The following IWS1 variants were observed in gnomAD, a reference collection of about 807,000 sequenced individuals.
The protein encoded by IWS1 is interacts with SUPT6H, CTD assembly factor 1, also known as protein IWS1 homolog.
In IWS1, 27 loss-of-function variants were observed where a neutral mutation model predicts 86.7. The ratio of observed to expected loss-of-function variants is 0.31; its 90% confidence interval spans 0.23 to 0.43. IWS1 has a LOEUF of 0.43. IWS1 is among the 20% of genes least tolerant of loss of function. IWS1 has a pLI of 1.00. For missense variants in IWS1, 827 were observed against 1,000.8 expected (o/e 0.83, Z 2.34); for synonymous variants, 313 against 335.1 (o/e 0.93, Z 0.72).
At chr2:127,484,951 C>CGCA (rs762138278) in intron 13 of IWS1, among the ~76,000 whole-genome samples, 86 of 151,912 alleles carry the variant, frequency 5.7e-4, no homozygotes, top group Non-Finnish European at 1.0e-3. Flanking sequence ...GAGTGGAGAT[C>CGCA]GCACCACTGC....
intron 2 of IWS1, among the ~76,000 whole-genome samples, chr2:127,511,888 C>T (rs1267317151): frequency 6.6e-6 from 1 of 152,236 alleles, no homozygotes; most frequent in Non-Finnish European, 1.5e-5. Flanking sequence ...TTTTGATGTA[C>T]TCCCCCATAA....
At position 127,504,782 on chromosome 2, in the gene IWS1, T is replaced by C. The variant is rs767217414; in HGVS notation, c.1121A>G (p.Lys374Arg). 1.2e-6 allele frequency: 2 copies of C among 1,614,218 alleles called. No homozygotes were observed. The highest frequency in any genetic ancestry group is 2.2e-5 in the South Asian group (2 of 91,088). ...TTTTTCATCTTCATCACTGTCCATTTTTTGCTTTTTGTGTTCTTCCTCCTC... is the reference window on the plus strand; with the variant it reads ...TTTTTCATCTTCATCACTGTCCATTCTTTGCTTTTTGTGTTCTTCCTCCTC... ...DSEEEEHKKQ[K>R]MDSDEDEKEG... Residue 374 changes from lysine to arginine, a missense_variant, in exon 3 of 14, where the codon AAA becomes AGA. Physicochemically the swap from Lys to Arg is conservative, Grantham distance 26 (BLOSUM62 2). Around this residue, in one of 2 missense-constraint regions of IWS1, gnomAD observed 548 missense variants for 560.2 expected, o/e 0.98. Coordinates refer to ENST00000295321, the MANE Select transcript of IWS1 (RefSeq NM_017969.3).
chr2:127,518,390 C>A (rs1375759311), intron 2 of IWS1, among the ~76,000 whole-genome samples: 1 of 152,050 alleles, frequency 6.6e-6, no homozygotes, highest in South Asian at 2.1e-4. Flanking sequence ...CTGGCGCATG[C>A]CTGTGGTCTC....
At chr2:127,520,623 G>A (rs974827155) in intron 2 of IWS1, among the ~76,000 whole-genome samples, 2 of 152,194 alleles carry the variant, frequency 1.3e-5, no homozygotes, top group African/African-American at 4.8e-5. Context: ...CAGTACAACT[G>A]GCACTCTTGA....
intron 7 of IWS1, among the ~76,000 whole-genome samples, chr2:127,495,308 TATG>T (rs1261875764): frequency 6.6e-6 from 1 of 152,244 alleles, no homozygotes; most frequent in Non-Finnish European, 1.5e-5. Context: ...TGTGAGGTTA[TATG>T]ATATTGGAAT....
intron 2 of IWS1, among the ~76,000 whole-genome samples, chr2:127,509,995 C>T (rs1691358155): frequency 1.3e-5 from 2 of 152,132 alleles, no homozygotes; most frequent in African/African-American, 4.8e-5. Flanking sequence ...CGTGTATAGA[C>T]CCAAATAACT....
chr2:127,489,152 G>A lies in IWS1; in HGVS notation c.2216+27C>T. 6.4e-7 allele frequency: 1 copy of A among 1,550,606 alleles called. No homozygotes were observed. The highest frequency in any genetic ancestry group is 8.9e-7 in the Non-Finnish European group (1 of 1,125,576). On this transcript the variant is annotated intron_variant, in intron 12 of 13. Coordinates refer to ENST00000295321, the MANE Select transcript of IWS1 (RefSeq NM_017969.3). The surrounding 1 kb of genome is among the most constrained non-coding windows in gnomAD (Gnocchi z 4.8). ...AACGGAAATTCTCTATATAGTCTAG[G>A]AAGAAAAATTAACATTAAAACCTTA...
At position 127,519,712 on chromosome 2, in the gene IWS1, G is replaced by A. The variant is rs1003266708; in HGVS notation, c.150+3964C>T. 2.6e-5 allele frequency among the ~76,000 whole-genome samples: 4 copies of A among 152,196 alleles called. No individual in the cohort carries two copies. In the South Asian group the frequency reaches 6.2e-4, roughly 24 times the overall value. On this transcript the variant is annotated intron_variant, in intron 2 of 13. Transcript: ENST00000295321. ...TATGTCACTTTACATGCAAGGGACT[G>A]TGCAAATGTAATTAAGGTAAGGACC... is the stretch of plus-strand genomic sequence containing the variant.
chr2:127,505,790 A>G lies in IWS1; in HGVS notation c.151-38T>C. On this transcript the variant is annotated intron_variant, in intron 2 of 13. Coordinates refer to ENST00000295321, the MANE Select transcript of IWS1 (RefSeq NM_017969.3). This position sits in a 1 kb window ranked among gnomAD's most constrained non-coding sequence, Gnocchi z 5.0. ...GTGAGAAAAAATTAGGAAAGTGCAA[A>G]AAAAAAAAAACCATTAATAATAAAA... The G allele has an allele frequency of 7.9e-7, 1 of 1,268,270 alleles. No individual in the cohort carries two copies. The highest frequency in any genetic ancestry group is 1.1e-6 in the Non-Finnish European group (1 of 925,892). The allele number at this position is 1,268,270 out of a possible 1,614,324, so 78.6% of individuals were successfully genotyped here. A position where few individuals can be genotyped will look rare whatever the true frequency, so the allele number is the denominator to read the frequency against.
chr2:127,494,239 T>C (rs1690390347), intron 8 of IWS1, among the ~76,000 whole-genome samples: 2 of 96,460 alleles, frequency 2.1e-5, no homozygotes, highest in South Asian at 8.9e-4. Flanking sequence ...AGATCCTGTC[T>C]CTAATTAAAA....
Position 127,517,325 on chromosome 2 carries a change from T to C in IWS1, c.150+6351A>G, listed in dbSNP as rs113342879. Among the ~76,000 whole-genome samples the C allele has an allele frequency of 2.7e-3, 404 of 152,330 alleles. 1 individual carries two copies. Among genetic ancestry groups the C allele is most frequent in the African/African-American group, 8.9e-3 (372 of 41,570 alleles). ...TTGAAAAAGAACAAATTAGGACTCA[T>C]ACTCTCCAATATCAAAACATACTAC... On this transcript the variant is annotated intron_variant, in intron 2 of 13. Transcript: ENST00000295321.
At position 127,489,167 on chromosome 2, in the gene IWS1, T is replaced by G. The variant is rs753781630; in HGVS notation, c.2216+12A>C. On this transcript the variant is annotated intron_variant, in intron 12 of 13. Transcript: ENST00000295321. This position sits in a 1 kb window ranked among gnomAD's most constrained non-coding sequence, Gnocchi z 4.8. ...TATAGTCTAGGAAGAAAAATTAACA[T>G]TAAAACCTTACTTCTCCTCTCCTGT... The G allele has an allele frequency of 3.1e-5, 49 of 1,601,110 alleles. No homozygotes were observed. The highest frequency in any genetic ancestry group is 3.3e-4 in the Middle Eastern group (2 of 6,060).
chr2:127,501,583 T>G (rs886608964), intron 5 of IWS1, among the ~76,000 whole-genome samples: 5 of 152,174 alleles, frequency 3.3e-5, no homozygotes, highest in African/African-American at 1.2e-4. Context: ...TATCTTTTCC[T>G]TTCTTCTGTA....
chr2:127,505,365 G>A lies in IWS1; in HGVS notation c.538C>T (p.Pro180Ser), dbSNP rs1691077489. 2 of 1,613,930 alleles carry A rather than the reference G, an allele frequency of 1.2e-6. No homozygotes were observed. The highest frequency in any genetic ancestry group is 2.2e-5 in the East Asian group (1 of 44,888). ...TCACTCTCAGAGTCACTGATTTGAG[G>A]TTTTAGAGCATCTTCTGTTTCAGAG... ...SDSETEDALK[P>S]QISDSESEEP... The change falls in exon 3 of 14, where the codon CCT (proline) becomes TCT (serine). Residue 180 changes from proline (P) to serine (S), a missense_variant. Physicochemically the swap from Pro to Ser is moderately conservative, Grantham distance 74. Coordinates refer to ENST00000295321, the MANE Select transcript of IWS1 (RefSeq NM_017969.3). The surrounding 1 kb of genome is among the most constrained non-coding windows in gnomAD (Gnocchi z 5.0).
intron 13 of IWS1, among the ~76,000 whole-genome samples, chr2:127,483,599 T>TGGGG (rs1689764402): frequency 3.5e-4 from 2 of 5,796 alleles, no homozygotes; most frequent in Non-Finnish European, 4.5e-4. Flanking sequence ...GGTGGGGGGG[T>TGGGG]TGGGCTGTGT....
At position 127,489,781 on chromosome 2, in the gene IWS1, T is replaced by A. The variant is rs1366154403; in HGVS notation, c.2159+51A>T. ...CCTAATGATCTTACTTAAAACTGAG[T>A]TACTGCAACAATAACGTGTATTCCA... On this transcript the variant is annotated intron_variant, in intron 11 of 13. Transcript: ENST00000295321. This position sits in a 1 kb window ranked among gnomAD's most constrained non-coding sequence, Gnocchi z 4.8. 1 of 999,246 alleles carries A rather than the reference T, an allele frequency of 1.0e-6. No homozygotes were observed. The highest frequency in any genetic ancestry group is 1.7e-5 in the Admixed American group (1 of 57,290). The allele number at this position is 999,246 out of a possible 1,614,324, so 61.9% of individuals were successfully genotyped here.
At chr2:127,520,557 TAA>T (rs1172113331) in intron 2 of IWS1, among the ~76,000 whole-genome samples, 1 of 152,206 alleles carries the variant, frequency 6.6e-6, no homozygotes, top group Non-Finnish European at 1.5e-5. Flanking sequence ...AATGTCTTCT[TAA>T]AAGCCATTTT....
At position 127,518,598 on chromosome 2, in the gene IWS1, T is replaced by C. The variant is rs1398809454; in HGVS notation, c.150+5078A>G. ...TTTTTTTTTTGAGGCAGAGTTTTGC[T>C]CTCGTTGCCCAGGCTAGAGTACAAT... On this transcript the variant is annotated intron_variant, in intron 2 of 13. Transcript: ENST00000295321. Among the ~76,000 whole-genome samples the C allele has an allele frequency of 2.1e-5, 3 of 145,202 alleles. No individual in the cohort carries two copies. The East Asian group carries it at 6.1e-4, about 30-fold the overall frequency.
intron 8 of IWS1, among the ~76,000 whole-genome samples, chr2:127,494,245 T>TAAAAAAAAAAAAAAAAAAAAA (rs11327472): frequency 1.1e-5 from 1 of 94,090 alleles, no homozygotes; most frequent in Non-Finnish European, 2.0e-5. Flanking sequence ...TGTCTCTAAT[T>TAAAAAAAAAAAAAAAAAAAAA]AAAAAAAAAA....
Sources: allele counts gnomAD v4.1 joint callset (sites outside exome capture counted in the v4.1 genomes callset), GRCh38; gene constraint gnomAD v4.1.1; regional missense constraint gnomAD v4.1.1; non-coding constraint Gnocchi (gnomAD v3.1); transcripts MANE v1.5; gene names NCBI Gene and HGNC (gene_info 2026-07-23, HGNC 2026-07-21).